DNAH11: variants seen among roughly 807,000 people sequenced by gnomAD.
DNAH11 encodes the protein axonemal beta dynein heavy chain 11.
Under a neutral mutation model 526.0 loss-of-function variants are expected in DNAH11, and 442 were observed. That is an observed-to-expected ratio of 0.84 (90% confidence interval 0.78 to 0.91). The LOEUF is 0.91. Among genes scored for constraint, DNAH11 ranks in the 40% least tolerant of loss-of-function variants. DNAH11 has a pLI of 0.00. For missense variants in DNAH11, 6,989 were observed against 5,448.7 expected, an observed-to-expected ratio of 1.28 and a Z score of -8.90; for synonymous variants, 2,461 against 1,935.9, an observed-to-expected ratio of 1.27 and a Z score of -7.12.
chr7:21,617,869 A>G, intron 23 of DNAH11, 92 bp downstream of exon 23: 2 of 1,326,788 alleles, frequency 1.5e-6, no homozygotes, highest in Non-Finnish European at 2.0e-6. Context: ...GTAATTTATG[A>G]AAAGACCCCC....
intron 62 of DNAH11, among the ~76,000 whole-genome samples, chr7:21,802,138 C>T (rs1407100364): frequency 6.6e-6 from 1 of 151,978 alleles, no homozygotes; most frequent in East Asian, 1.9e-4. Context: ...TAACAAAAGT[C>T]AAAGAGATAA....
chr7:21,615,361 T>G, intron 21 of DNAH11, 89 bp downstream of exon 21: 1 of 1,430,994 alleles, frequency 7.0e-7, no homozygotes, highest in East Asian at 2.4e-5. Flanking sequence ...TATTTGGGTT[T>G]TATAATGTCT....
intron 54 of DNAH11, among the ~76,000 whole-genome samples, chr7:21,757,183 C>G (rs1786674566): frequency 6.6e-6 from 1 of 152,066 alleles, no homozygotes; most frequent in African/African-American, 2.4e-5. Context: ...ATTTTTAATC[C>G]TTTATAATAA....
chr7:21,606,797 A>G (rs1473990101), intron 20 of DNAH11, 64 bp downstream of exon 20: 1 of 1,320,828 alleles, frequency 7.6e-7, no homozygotes, highest in Non-Finnish European at 1.1e-6. Context: ...GTAAGTTTAG[A>G]CACAAAATAC....
In DNAH11 at chr7:21,638,691, GGT is replaced by G. The variant is rs56257528; in HGVS notation, c.4818-207_4818-206del. On this transcript the variant is annotated intron_variant, in intron 27 of 81. Transcript: ENST00000409508. ...ATTCATATTTAGCCACAGCTAATGG[GGT>G]GTGTGTGTGTGTGTGTGTGTGTGTG... 0.37 allele frequency among the ~76,000 whole-genome samples: 53,146 copies of G among 143,858 alleles called. 10,297 individuals are homozygous for G. The highest frequency in any genetic ancestry group is 0.47 in the Non-Finnish European group (30,470 of 65,166). The allele number at this position is 143,858 out of a possible 152,430, so 94.4% of individuals were successfully genotyped here.
intron 74 of DNAH11, 130 bp from the exon 75 acceptor site, chr7:21,880,572 T>A (rs890933109): frequency 2.1e-5 from 18 of 859,518 alleles, no homozygotes; most frequent in African/African-American, 6.8e-5. Context: ...ATTGGATAAG[T>A]AGCCATGCTG....
intron 2 of DNAH11, among the ~76,000 whole-genome samples, chr7:21,556,718 C>G (rs1783234148): frequency 6.6e-6 from 1 of 152,146 alleles, no homozygotes; most frequent in Non-Finnish European, 1.5e-5. Context: ...TTGTTCGTTT[C>G]TTTGTGCCCA....
chr7:21,892,706 A>G (rs768387370), intron 77 of DNAH11, 39 bp downstream of exon 77: 4 of 1,533,164 alleles, frequency 2.6e-6, no homozygotes, highest in Non-Finnish European at 8.8e-7. Flanking sequence ...TCATTGAAGT[A>G]TAACTTACTT....
intron 66 of DNAH11, among the ~76,000 whole-genome samples, chr7:21,850,605 C>CTCCTTT (rs1782594006): frequency 1.2e-5 from 1 of 82,802 alleles, no homozygotes; most frequent in Non-Finnish European, 2.3e-5. Context: ...GTTCTGTCTT[C>CTCCTTT]TTCTTTTTTT....
At chr7:21,779,989 GT>G (rs1297248144) in intron 57 of DNAH11, among the ~76,000 whole-genome samples, 13 of 151,368 alleles carry the variant, frequency 8.6e-5, no homozygotes, top group Middle Eastern at 3.4e-3. Flanking sequence ...AGTTTTTCCA[GT>G]GGTGTTGCCA....
At chr7:21,644,826 G>A (rs1243077444) in intron 28 of DNAH11, among the ~76,000 whole-genome samples, 2 of 152,184 alleles carry the variant, frequency 1.3e-5, no homozygotes, top group Non-Finnish European at 2.9e-5. Flanking sequence ...GATTCACCTA[G>A]AGGTTCAGGT....
intron 49 of DNAH11, among the ~76,000 whole-genome samples, chr7:21,743,454 G>A (rs1786006720): frequency 6.6e-6 from 1 of 152,188 alleles, no homozygotes; most frequent in South Asian, 2.1e-4. Context: ...TCCGACTAAT[G>A]TGGTCTACCC....
Position 21,661,380 on chromosome 7 carries a change from G to T in DNAH11, c.5328+2349G>T, listed in dbSNP as rs950865384. Among the ~76,000 whole-genome samples the T allele has an allele frequency of 2.0e-5, 3 of 151,932 alleles. No individual in the cohort carries two copies. In the South Asian group the frequency reaches 6.2e-4, roughly 32 times the overall value. ...GTGAATTGTTACAGGAAAATTTCTG[G>T]TCCCTTGTCTTTATTTTGACTTCCT... On this transcript the variant is annotated intron_variant, in intron 30 of 81. Coordinates refer to ENST00000409508, the MANE Select transcript of DNAH11 (RefSeq NM_001277115.2).
At position 21,597,983 on chromosome 7, in the gene DNAH11, G is replaced by A. The variant is rs117848810; in HGVS notation, c.2668-1804G>A. On this transcript the variant is annotated intron_variant, in intron 14 of 81. Coordinates refer to ENST00000409508, the MANE Select transcript of DNAH11 (RefSeq NM_001277115.2). ...TTCCACCTGGCTGGTAGGCAACACA[G>A]CATTCCTGAGAAGGAGCAGTTCTTA... 5.1e-3 allele frequency among the ~76,000 whole-genome samples: 779 copies of A among 152,246 alleles called. 1 individual carries two copies. The highest frequency in any genetic ancestry group is 8.0e-3 in the Admixed American group (122 of 15,294).
At chr7:21,718,216 C>T (rs1186556684) in intron 43 of DNAH11, among the ~76,000 whole-genome samples, 2 of 151,918 alleles carry the variant, frequency 1.3e-5, no homozygotes, top group African/African-American at 2.4e-5. Flanking sequence ...CCAGATAGCT[C>T]TTAGCACATA....
rs1789804154 is a variant in DNAH11 at position 21,816,604 on chromosome 7, G to A, written c.10470G>A (p.Glu3490=). The A allele has an allele frequency of 6.2e-7, 1 of 1,613,744 alleles. No individual in the cohort carries two copies. Among genetic ancestry groups the A allele is most frequent in the Non-Finnish European group, 8.5e-7 (1 of 1,179,814 alleles). ...TENAAILTHC[E]RWPLVIDPQQ... is the part of the protein sequence containing the mutation. ...ATGCCGCTATCCTAACACACTGTGA[G>A]CGCTGGCCTCTGGTGATAGATCCCC... The change falls in exon 64 of 82, where the codon GAG becomes GAA. Residue 3490 remains glutamate, a synonymous_variant. Coordinates refer to ENST00000409508, the MANE Select transcript of DNAH11 (RefSeq NM_001277115.2).
At position 21,750,241 on chromosome 7, in the gene DNAH11, C is replaced by T; in HGVS notation, c.8817C>T (p.Phe2939=). The change falls in exon 54 of 82, where the codon TTC becomes TTT. Residue 2939 remains phenylalanine (F), a synonymous_variant. Coordinates refer to ENST00000409508, the MANE Select transcript of DNAH11 (RefSeq NM_001277115.2). Reference sequence around the variant, plus strand: ...GGGCAGGAGAAATCCCAGATCTGTTCAGCGATGAAGATGTGGACAAGATAA... The same window carrying T: ...GGGCAGGAGAAATCCCAGATCTGTTTAGCGATGAAGATGTGGACAAGATAA... The part of the protein sequence containing the change: ...LLASGEIPDL[F]SDEDVDKIIS... 6.2e-7 allele frequency: 1 copy of T among 1,605,782 alleles called. No individual in the cohort carries two copies. Among genetic ancestry groups the T allele is most frequent in the Non-Finnish European group, 8.5e-7 (1 of 1,176,040 alleles).
intron 55 of DNAH11, among the ~76,000 whole-genome samples, chr7:21,768,205 T>C (rs1248428158): frequency 4.6e-5 from 7 of 151,882 alleles, no homozygotes; most frequent in Admixed American, 1.3e-4. Context: ...AGGAGGTGTG[T>C]AAGGAGGGAG....
intron 54 of DNAH11, among the ~76,000 whole-genome samples, chr7:21,760,845 TAACC>T (rs1243657248): frequency 1.6e-5 from 2 of 127,124 alleles, no homozygotes; most frequent in Non-Finnish European, 3.5e-5. Context: ...TTCCAGATAT[TAACC>T]AACAGCCCCT....
Sources: allele counts gnomAD v4.1 joint callset (sites outside exome capture counted in the v4.1 genomes callset), GRCh38; gene constraint gnomAD v4.1.1; transcripts MANE v1.5; gene names NCBI Gene and HGNC (gene_info 2026-07-23, HGNC 2026-07-21).